PTPRM: variants seen among roughly 807,000 people sequenced by gnomAD.
PTPRM encodes protein tyrosine phosphatase receptor type M, also known as receptor-type tyrosine-protein phosphatase mu.
PTPRM carries 47 observed loss-of-function variants against 186.7 expected under a neutral mutation model. The observed-to-expected ratio is 0.25, with a 90% CI of 0.20 to 0.32. The LOEUF is 0.32. PTPRM is among the 10% of genes least tolerant of loss of function. The probability of loss-of-function intolerance (pLI) is 1.00; values close to 1 mark genes in which losing one functional copy is unlikely to be tolerated. For synonymous variants in PTPRM, 668 were observed against 674.9 expected, an observed-to-expected ratio of 0.99 and a Z score of 0.16; for missense variants, 1,494 against 1,865.0, an observed-to-expected ratio of 0.80 and a Z score of 3.66.
intron 19 of PTPRM, among the ~76,000 whole-genome samples, chr18:8,294,628 G>A (rs75385222): frequency 0.056 from 8,593 of 152,218 alleles, 281 homozygotes; most frequent in Middle Eastern, 0.11. Context: ...AACTAGCGAT[G>A]CATAGTGTGA....
intron 19 of PTPRM, among the ~76,000 whole-genome samples, chr18:8,277,321 T>C (rs529437065): frequency 1.3e-5 from 2 of 152,364 alleles, no homozygotes; most frequent in African/African-American, 2.4e-5. Context: ...ATTTTCATCA[T>C]GTAAAGTGGC....
At chr18:7,896,985 A>G (rs1320325507) in intron 3 of PTPRM, among the ~76,000 whole-genome samples, 3 of 152,208 alleles carry the variant, frequency 2.0e-5, no homozygotes, top group South Asian at 2.1e-4. Flanking sequence ...GTAAAGCCAC[A>G]GCTAAGTGAC....
chr18:8,390,907 G>A (rs969158173), intron 31 of PTPRM, among the ~76,000 whole-genome samples: 1 of 150,222 alleles, frequency 6.7e-6, no homozygotes, highest in Non-Finnish European at 1.5e-5. Flanking sequence ...TAGCCTGGGC[G>A]ACAGAGCAAG....
At chr18:8,399,759 GC>G (rs1394428672) in intron 32 of PTPRM, 1 of 152,196 alleles carries the variant, frequency 6.6e-6, no homozygotes, top group African/African-American at 2.4e-5. Flanking sequence ...CCTACAAGGA[GC>G]CCCCCAAGCT....
Position 7,700,685 on chromosome 18 carries a change from A to G in PTPRM, c.74-73464A>G, listed in dbSNP as rs374483949. 3.3e-5 allele frequency among the ~76,000 whole-genome samples: 5 copies of G among 152,292 alleles called. No homozygotes were observed. In the East Asian group the frequency reaches 7.7e-4, roughly 24 times the overall value. On this transcript the variant is annotated intron_variant, in intron 1 of 32. Transcript: ENST00000580170. ...CCTGGAAGATGAAACTTTCTGGTGAATATGAGCTCATGGTAAAAATTTAGG... is the reference window on the plus strand; with the variant it reads ...CCTGGAAGATGAAACTTTCTGGTGAGTATGAGCTCATGGTAAAAATTTAGG...
chr18:8,226,902 C>G (rs538467206), intron 14 of PTPRM, among the ~76,000 whole-genome samples: 34 of 152,096 alleles, frequency 2.2e-4, no homozygotes, highest in Non-Finnish European at 4.3e-4. Flanking sequence ...GGCTTGTGGC[C>G]CCTTCCTCAT....
At chr18:7,948,458 A>G (rs2052705641) in intron 5 of PTPRM, among the ~76,000 whole-genome samples, 1 of 152,186 alleles carries the variant, frequency 6.6e-6, no homozygotes, top group Non-Finnish European at 1.5e-5. Context: ...CCAAGTGTGC[A>G]TAACTAAAAG....
At chr18:7,727,871 G>C (rs966930300) in intron 1 of PTPRM, among the ~76,000 whole-genome samples, 1 of 152,200 alleles carries the variant, frequency 6.6e-6, no homozygotes, top group African/African-American at 2.4e-5. Flanking sequence ...CACTAGGCCA[G>C]GTGCTTTACA....
In PTPRM at chr18:7,958,207, C is replaced by CAAAAAAAAAAAAA. The variant is rs534178363; in HGVS notation, c.1132+2800_1132+2812dup. On this transcript the variant is annotated intron_variant, in intron 7 of 32. Coordinates refer to ENST00000580170, the MANE Select transcript of PTPRM (RefSeq NM_001105244.2). ...GATGTTAGTGCCTCACCATCCCCTGCAAAAAAAAAAAAAAAAAAATCCTAA... is the reference window on the plus strand; with the variant it reads ...GATGTTAGTGCCTCACCATCCCCTGCAAAAAAAAAAAAAAAAAAAAAAAAAAAAAAAATCCTAA... 4.6e-3 allele frequency among the ~76,000 whole-genome samples: 525 copies of CAAAAAAAAAAAAA among 115,142 alleles called. 3 individuals carry two copies. The highest frequency in any genetic ancestry group is 0.017 in the African/African-American group (506 of 29,930). 75.5% of individuals were successfully genotyped at this position (115,142 alleles called of 152,430 possible).
intron 7 of PTPRM, among the ~76,000 whole-genome samples, chr18:8,069,058 C>T (rs2089289053): frequency 7.9e-6 from 1 of 127,002 alleles, no homozygotes; most frequent in Non-Finnish European, 1.6e-5. Flanking sequence ...TGCAGTGAGC[C>T]AAGATCACAC....
intron 1 of PTPRM, among the ~76,000 whole-genome samples, chr18:7,687,125 T>TGACAC (rs2039620765): frequency 6.6e-6 from 1 of 152,234 alleles, no homozygotes; most frequent in Non-Finnish European, 1.5e-5. Flanking sequence ...ACCTTGGGAA[T>TGACAC]GACACTGACC....
At chr18:8,105,079 A>T (rs2091457965) in intron 11 of PTPRM, among the ~76,000 whole-genome samples, 1 of 152,204 alleles carries the variant, frequency 6.6e-6, no homozygotes. Flanking sequence ...AAAATTGTTT[A>T]GGGAAAGCAA....
At chr18:7,686,748 A>G (rs1005895390) in intron 1 of PTPRM, among the ~76,000 whole-genome samples, 2 of 152,148 alleles carry the variant, frequency 1.3e-5, no homozygotes, top group Admixed American at 6.5e-5. Context: ...CATGAAAAAA[A>G]CCTCTGTATC....
rs1458804654 is a variant in PTPRM at position 8,314,321 on chromosome 18, G to A, written c.2843-460G>A. 7.9e-5 allele frequency among the ~76,000 whole-genome samples: 12 copies of A among 152,108 alleles called. No homozygotes were observed. The South Asian group carries it at 2.3e-3, about 29-fold the overall frequency. The stretch of plus-strand genomic sequence containing the variant: ...GCCCGCAGATACAGATAGGACTTAG[G>A]GAACTCACCAGTGACTAAGGCTAGG... On this transcript the variant is annotated intron_variant, in intron 20 of 32. Transcript: ENST00000580170.
chr18:8,215,079 C>G (rs568311205), intron 14 of PTPRM, among the ~76,000 whole-genome samples: 7 of 152,240 alleles, frequency 4.6e-5, no homozygotes, highest in African/African-American at 1.7e-4. Context: ...TTAAAAAATA[C>G]CTTCCCTACA....
At chr18:7,889,333 CTTTTTT>C (rs770886704) in intron 3 of PTPRM, among the ~76,000 whole-genome samples, 1 of 119,856 alleles carries the variant, frequency 8.3e-6, no homozygotes, top group African/African-American at 3.3e-5. Flanking sequence ...TCTTTTCTTT[CTTTTTT>C]TTTTTTTTTT....
intron 31 of PTPRM, among the ~76,000 whole-genome samples, chr18:8,393,400 A>C (rs944296201): frequency 6.6e-6 from 1 of 152,208 alleles, no homozygotes; most frequent in Non-Finnish European, 1.5e-5. Context: ...TGTGTTCTAC[A>C]TTCTTTATAT....
At chr18:8,234,784 A>G (rs764982178) in intron 14 of PTPRM, among the ~76,000 whole-genome samples, 4 of 152,060 alleles carry the variant, frequency 2.6e-5, no homozygotes, top group Admixed American at 6.5e-5. Flanking sequence ...TGCTGAAAAC[A>G]TTTATCAAGA....
chr18:8,208,479 G>A (rs2093958895), intron 14 of PTPRM, among the ~76,000 whole-genome samples: 1 of 151,670 alleles, frequency 6.6e-6, no homozygotes, highest in South Asian at 2.1e-4. Context: ...TAAGGAGTGG[G>A]GTAAGTGAGA....
Sources: gnomAD v4.1 joint callset for allele counts (sites outside exome capture counted in the v4.1 genomes callset) on GRCh38, gnomAD v4.1.1 for gene constraint, MANE v1.5 for transcripts, NCBI Gene and HGNC (gene_info 2026-07-23, HGNC 2026-07-21) for gene names.